UBXN6: variants seen among roughly 807,000 people sequenced by gnomAD.
UBXN6 encodes UBX domain-containing protein 6.
Under a neutral mutation model 51.4 loss-of-function variants are expected in UBXN6, and 44 were observed. The ratio of observed to expected loss-of-function variants is 0.86; its 90% confidence interval spans 0.67 to 1.10. UBXN6 has a LOEUF of 1.10. UBXN6 is among the 50% of genes least tolerant of loss of function. The pLI is 0.00. For synonymous variants in UBXN6, 316 were observed against 263.2 expected, an observed-to-expected ratio of 1.20 and a Z score of -1.94; for missense variants, 672 against 596.1, an observed-to-expected ratio of 1.13 and a Z score of -1.32.
chr19:4,446,398 C>T lies in UBXN6; in HGVS notation c.936G>A (p.Glu312=), dbSNP rs373552202. The T allele has an allele frequency of 1.8e-4, 277 of 1,578,388 alleles. No individual in the cohort carries two copies. Among genetic ancestry groups the T allele is most frequent in the Non-Finnish European group, 2.3e-4 (272 of 1,169,410 alleles). ...CCTTGGTCCGCAGCACGCTCAGCCG[C>T]TCCACCGCCTCGGACCTGCACACGC... ...REQRLRSEAV[E]RLSVLRTKAM... Residue 312 remains glutamate, a synonymous_variant, in exon 9 of 11, where the codon GAG becomes GAA. Coordinates refer to ENST00000301281, the MANE Select transcript of UBXN6 (RefSeq NM_025241.3).
intron 4 of UBXN6, 95 bp from the exon 5 acceptor site, chr19:4,448,510 A>G: frequency 9.5e-7 from 1 of 1,047,326 alleles, no homozygotes; most frequent in Non-Finnish European, 1.4e-6. Context: ...AGGAAGGCAG[A>G]ACAGCGGCTT....
chr19:4,455,127 TG>T, intron 1 of UBXN6: 1 of 857,062 alleles, frequency 1.2e-6, no homozygotes, highest in Non-Finnish European at 1.4e-6. Flanking sequence ...CACAGTGACC[TG>T]GCAGAGAAGC....
chr19:4,455,252 T>C, intron 1 of UBXN6: 1 of 985,448 alleles, frequency 1.0e-6, no homozygotes. Context: ...CGTAGGTCTA[T>C]TAAAACCTTC....
chr19:4,453,536 CAAGA>C lies in UBXN6; in HGVS notation c.248-18_248-15del, dbSNP rs1356755013. On this transcript the variant is annotated splice_polypyrimidine_tract_variant and intron_variant, in intron 2 of 10. Coordinates refer to ENST00000301281, the MANE Select transcript of UBXN6 (RefSeq NM_025241.3). ...GTTCCTTTCTCACTGGAAGGCAGCC[CAAGA>C]AAGAGAGGCAGAGACGGGATAGTGA... 3.1e-6 allele frequency: 5 copies of C among 1,612,996 alleles called. No individual in the cohort carries two copies. Among genetic ancestry groups the C allele is most frequent in the Non-Finnish European group, 4.2e-6 (5 of 1,179,702 alleles).
At chr19:4,452,245 T>TA (rs2145185033) in intron 4 of UBXN6, 119 bp downstream of exon 4, 1 of 1,443,850 alleles carries the variant, frequency 6.9e-7, no homozygotes, top group African/African-American at 1.4e-5. Context: ...GGGGCTTCAC[T>TA]ACTAGCAGTG....
Position 4,457,728 on chromosome 19 carries a change from CGGGGGCGG to C in UBXN6, c.-39_-32del. ...CGGCTGGCCCGGCGGCGGGGGGCCGCGGGGGCGGGGGGGCACGGGGCCCAGTCGGGGAC... is the reference window on the plus strand; with the variant it reads ...CGGCTGGCCCGGCGGCGGGGGGCCGCGGGGGCACGGGGCCCAGTCGGGGAC... On this transcript the variant is annotated 5_prime_UTR_variant, in exon 1 of 11. Transcript: ENST00000301281. 7.9e-7 allele frequency: 1 copy of C among 1,270,278 alleles called. No homozygotes were observed. The highest frequency in any genetic ancestry group is 1.0e-6 in the Non-Finnish European group (1 of 970,026). The allele number at this position is 1,270,278 out of a possible 1,614,324, so 78.7% of individuals were successfully genotyped here.
intron 4 of UBXN6, 137 bp from the exon 5 acceptor site, chr19:4,448,552 A>G: frequency 1.4e-6 from 1 of 725,052 alleles, no homozygotes; most frequent in South Asian, 1.7e-5. Flanking sequence ...TCATCACAGA[A>G]AGGAAAAGAG....
intron 4 of UBXN6, chr19:4,449,406 T>C (rs1253027803): frequency 6.6e-6 from 1 of 152,374 alleles, no homozygotes; most frequent in Admixed American, 6.5e-5. Context: ...ACCAATGACC[T>C]ACACACTGAG....
rs1177577893 is a variant in UBXN6 at position 4,446,206 on chromosome 19, T to C, written c.1052-9A>G. ...CCGAGCGTAGAAAGTGCCTGGGGAGTGGGGGAGTCAGAGCGGGTGGGGCCC... is the reference window on the plus strand; with the variant it reads ...CCGAGCGTAGAAAGTGCCTGGGGAGCGGGGGAGTCAGAGCGGGTGGGGCCC... On this transcript the variant is annotated splice_polypyrimidine_tract_variant and intron_variant, in intron 9 of 10. Coordinates refer to ENST00000301281, the MANE Select transcript of UBXN6 (RefSeq NM_025241.3). 4 of 1,596,338 alleles carry C rather than the reference T, an allele frequency of 2.5e-6. No homozygotes were observed. Among genetic ancestry groups the C allele is most frequent in the Non-Finnish European group, 3.4e-6 (4 of 1,174,762 alleles).
intron 2 of UBXN6, 48 bp from the exon 3 acceptor site, chr19:4,453,570 G>A (rs370654543): frequency 1.2e-5 from 19 of 1,596,506 alleles, no homozygotes; most frequent in African/African-American, 8.0e-5. Context: ...TAGTGAGCAC[G>A]CCGCTGTCCT....
intron 1 of UBXN6, among the ~76,000 whole-genome samples, 163 bp downstream of exon 1, chr19:4,457,452 C>G (rs1328919758): frequency 7.4e-6 from 1 of 135,146 alleles, no homozygotes; most frequent in African/African-American, 2.8e-5. Flanking sequence ...CCACCCTCGG[C>G]CCGACTTCGT....
chr19:4,455,297 C>A, intron 1 of UBXN6: 1 of 985,560 alleles, frequency 1.0e-6, no homozygotes, highest in Non-Finnish European at 1.2e-6. Context: ...GCCCTATACT[C>A]CTCTGGCTCT....
intron 3 of UBXN6, among the ~76,000 whole-genome samples, chr19:4,453,217 A>G (rs1974683784): frequency 6.6e-6 from 1 of 152,152 alleles, no homozygotes; most frequent in Non-Finnish European, 1.5e-5. Context: ...GGTTAAGGGG[A>G]GGGAGCGATG....
intron 4 of UBXN6, 38 bp downstream of exon 4, chr19:4,452,325 GC>G: frequency 6.2e-7 from 1 of 1,604,274 alleles, no homozygotes; most frequent in Non-Finnish European, 8.5e-7. Flanking sequence ...GGCACAGGAA[GC>G]TACAGGTTGG....
Position 4,453,992 on chromosome 19 carries a change from C to G in UBXN6, c.185G>C (p.Arg62Pro). ...GGCCCGGGACTGCTTCTGCTCCAGC[C>G]GGGCTAGGGCGGCAGCGGCTGCCAT... is the stretch of plus-strand genomic sequence containing the variant. ...AQMAAAAALA[R>P]LEQKQSRAWG... is the part of the protein sequence containing the mutation. The change falls in exon 2 of 11, where the codon CGG becomes CCG. Residue 62 changes from arginine to proline, a missense_variant. Arg to Pro is a moderately radical substitution (Grantham distance 103). Transcript: ENST00000301281. 1 of 1,610,248 alleles carries G rather than the reference C, an allele frequency of 6.2e-7. No individual in the cohort carries two copies. Among genetic ancestry groups the G allele is most frequent in the Non-Finnish European group, 8.5e-7 (1 of 1,179,470 alleles).
At chr19:4,457,794 TTAAAAAAAAAA>T (rs1974763467), upstream of UBXN6, 3 of 161,546 alleles carry the variant, frequency 1.9e-5, no homozygotes, top group African/African-American at 1.0e-4. Flanking sequence ...CGGAAGAAAA[TTAAAAAAAAAA>T]AAAAAAAAAA....
intron 1 of UBXN6, 109 bp from the exon 2 acceptor site, chr19:4,454,202 C>T (rs113388522): frequency 0.057 from 71,869 of 1,252,132 alleles, 2,446 homozygotes; most frequent in Non-Finnish European, 0.069. Flanking sequence ...ATCAGCCAGA[C>T]GTGTCCCTGC....
chr19:4,455,416 C>T (rs1238836242), intron 1 of UBXN6: 4 of 410,440 alleles, frequency 9.7e-6, no homozygotes, highest in Non-Finnish European at 1.3e-5. Flanking sequence ...AGACCCACCC[C>T]GGCCTCATCC....
At chr19:4,450,789 G>C (rs1314388738) in intron 4 of UBXN6, 1 of 123,380 alleles carries the variant, frequency 8.1e-6, no homozygotes, top group Non-Finnish European at 1.8e-5. Flanking sequence ...AAAAAAAAGA[G>C]TGCCTACAAA....
Sources: gnomAD v4.1 joint callset for allele counts (sites outside exome capture counted in the v4.1 genomes callset) on GRCh38, gnomAD v4.1.1 for gene constraint, MANE v1.5 for transcripts, NCBI Gene and HGNC (gene_info 2026-07-23, HGNC 2026-07-21) for gene names.